CPNE9: variants seen among roughly 807,000 people sequenced by gnomAD.
The protein encoded by CPNE9 is copine family member 9.
In CPNE9, 59 loss-of-function variants were observed where a neutral mutation model predicts 83.0. The ratio of observed to expected loss-of-function variants is 0.71; its 90% CI spans 0.58 to 0.88. The LOEUF (loss-of-function observed/expected upper bound fraction) is 0.88, where lower values mean the gene tolerates loss of function less well. Among genes scored for constraint, CPNE9 ranks in the 40% least tolerant of loss-of-function variants. The probability of loss-of-function intolerance (pLI) is 0.00; values close to 1 mark genes in which losing one functional copy is unlikely to be tolerated. For synonymous variants in CPNE9, 256 were observed against 273.4 expected, an observed-to-expected ratio of 0.94 and a Z score of 0.63; for missense variants, 619 against 720.8, an observed-to-expected ratio of 0.86 and a Z score of 1.62.
chr3:9,711,225 C>T (rs1356030676), intron 7 of CPNE9, among the ~76,000 whole-genome samples: 1 of 152,100 alleles, frequency 6.6e-6, no homozygotes, highest in Non-Finnish European at 1.5e-5. Flanking sequence ...TTTTTTGAGA[C>T]AGAGTCTTAC....
chr3:9,712,457 C>G lies in CPNE9; in HGVS notation c.378-84C>G. ...GTCAGTAAATGGCAAACTGAATCCC[C>G]TGGCCCACCTAACCCCAGACTGGCC... On this transcript the variant is annotated intron_variant, in intron 7 of 20. Coordinates refer to ENST00000383832, the MANE Select transcript of CPNE9 (RefSeq NM_153635.3). 3 of 1,088,870 alleles carry G rather than the reference C, an allele frequency of 2.8e-6. No individual in the cohort carries two copies. In the South Asian group the frequency reaches 3.7e-5, roughly 14 times the overall value. 67.5% of individuals were successfully genotyped at this position (1,088,870 alleles called of 1,614,324 possible).
chr3:9,705,574 T>G, intron 5 of CPNE9, 74 bp downstream of exon 5: 1 of 1,571,832 alleles, frequency 6.4e-7, no homozygotes, highest in Non-Finnish European at 8.8e-7. Context: ...CTCTCAGAAC[T>G]CCTCCCAACC....
Position 9,706,604 on chromosome 3 carries a change from A to G in CPNE9, c.377+541A>G, listed in dbSNP as rs114208910. Among the ~76,000 whole-genome samples, 818 of 152,332 alleles carry G rather than the reference A, an allele frequency of 5.4e-3. 10 individuals carry two copies. The highest frequency in any genetic ancestry group is 0.019 in the African/African-American group (783 of 41,572). On this transcript the variant is annotated intron_variant, in intron 7 of 20. Coordinates refer to ENST00000383832, the MANE Select transcript of CPNE9 (RefSeq NM_153635.3). ...GGGCTGATACTCTAGTTGTGTGGGG[A>G]GGACAGTACAAAATAGACATAAGTA... is the stretch of plus-strand genomic sequence containing the variant.
chr3:9,708,443 G>A (rs142418793), intron 7 of CPNE9, among the ~76,000 whole-genome samples: 183 of 152,340 alleles, frequency 1.2e-3, no homozygotes, highest in African/African-American at 3.6e-3. Context: ...AGAGGGTGAT[G>A]TCATGGAAGC....
intron 7 of CPNE9, among the ~76,000 whole-genome samples, chr3:9,707,503 T>C (rs113373754): frequency 1.3e-5 from 2 of 151,744 alleles, no homozygotes; most frequent in African/African-American, 4.8e-5. Flanking sequence ...AAGGTGGAGC[T>C]AACAGGTTCC....
At position 9,712,753 on chromosome 3, in the gene CPNE9, A is replaced by G; in HGVS notation, c.470A>G (p.Asn157Ser). 4.3e-6 allele frequency: 7 copies of G among 1,614,094 alleles called. No homozygotes were observed. The highest frequency in any genetic ancestry group is 5.1e-6 in the Non-Finnish European group (6 of 1,179,994). ...RDIATMQLCA[N>S]KLDKKDFFGK... ...ATTGCCACCATGCAGCTGTGTGCAA[A>G]CAAGCTGGACAAGAAGGACTTCTTT... Residue 157 changes from asparagine to serine, a missense_variant, in exon 9 of 21, where the codon AAC becomes AGC. Asn to Ser is a conservative substitution (Grantham distance 46). Transcript: ENST00000383832.
At chr3:9,725,372 T>C (rs1477092480) in intron 17 of CPNE9, among the ~76,000 whole-genome samples, 2 of 151,552 alleles carry the variant, frequency 1.3e-5, no homozygotes, top group East Asian at 2.0e-4. Flanking sequence ...TCATCTCTAC[T>C]AAAAATATAA....
chr3:9,722,459 G>T (rs1343984803), intron 17 of CPNE9, among the ~76,000 whole-genome samples: 1 of 151,746 alleles, frequency 6.6e-6, no homozygotes, highest in Non-Finnish European at 1.5e-5. Flanking sequence ...GAGAACCAAA[G>T]ATGTACCTCC....
chr3:9,719,203 A>G lies in CPNE9; in HGVS notation c.1241+601A>G, dbSNP rs183681475. On this transcript the variant is annotated intron_variant, in intron 17 of 20. Transcript: ENST00000383832. ...ATACAGGACGATGTGTATAGGTTAT[A>G]TGCAAATACTACACCATTTTATATG... Among the ~76,000 whole-genome samples the G allele has an allele frequency of 1.2e-4, 18 of 152,304 alleles. 1 individual carries two copies. The East Asian group carries it at 3.1e-3, about 26-fold the overall frequency.
In CPNE9 at chr3:9,729,583, T is replaced by C; in HGVS notation, c.1553T>C (p.Leu518Pro). The C allele has an allele frequency of 6.2e-7, 1 of 1,614,154 alleles. No individual in the cohort carries two copies. The highest frequency in any genetic ancestry group is 8.5e-7 in the Non-Finnish European group (1 of 1,180,026). ...ATGGCCCGACTGGCCAAGGATGTGC[T>C]GGCCGAGATCCCGGAGCAGCTGCTG... ...LSMARLAKDV[L>P]AEIPEQLLSY... Residue 518 changes from leucine to proline, a missense_variant, in exon 21 of 21, where the codon CTG (leucine) becomes CCG (proline). Transcript: ENST00000383832.
intron 7 of CPNE9, among the ~76,000 whole-genome samples, chr3:9,709,001 C>T (rs1040934207): frequency 8.1e-5 from 12 of 148,500 alleles, no homozygotes; most frequent in East Asian, 6.6e-4. Flanking sequence ...TGACCAGGGG[C>T]GGTGGTTCAC....
At chr3:9,708,469 CAAG>C (rs2076585415) in intron 7 of CPNE9, among the ~76,000 whole-genome samples, 4 of 152,202 alleles carry the variant, frequency 2.6e-5, no homozygotes, top group African/African-American at 7.2e-5. Flanking sequence ...GAAGGGTTAT[CAAG>C]AAGGAGAGAG....
At chr3:9,726,562 G>A (rs2076786759) in intron 18 of CPNE9, 103 bp from the exon 19 acceptor site, 2 of 855,920 alleles carry the variant, frequency 2.3e-6, no homozygotes, top group African/African-American at 1.7e-5. Flanking sequence ...CTGCTTACAA[G>A]ATGTGCAGAA....
chr3:9,725,674 G>GTGCATATA, intron 17 of CPNE9, among the ~76,000 whole-genome samples: 1 of 29,166 alleles, frequency 3.4e-5, no homozygotes, highest in Non-Finnish European at 7.1e-5. Context: ...GTATATATAT[G>GTGCATATA]TGTATATATA....
At chr3:9,715,063 G>T (rs529444092) in intron 11 of CPNE9, 108 bp downstream of exon 11, 1 of 1,082,490 alleles carries the variant, frequency 9.2e-7, no homozygotes, top group East Asian at 2.4e-5. Context: ...AGCCAGGAAA[G>T]GTGATGATAA....
At chr3:9,706,167 GT>G (rs1339952378) in intron 7 of CPNE9, 104 bp downstream of exon 7, 39 of 1,103,082 alleles carry the variant, frequency 3.5e-5, no homozygotes, top group Non-Finnish European at 5.0e-5. Flanking sequence ...GTTGCCCCTG[GT>G]CAGGAGCCTG....
chr3:9,727,100 G>A lies in CPNE9; in HGVS notation c.1403-13G>A. 2 of 1,614,136 alleles carry A rather than the reference G, an allele frequency of 1.2e-6. No individual in the cohort carries two copies. Among genetic ancestry groups the A allele is most frequent in the Non-Finnish European group, 1.7e-6 (2 of 1,179,992 alleles). ...GAGAGGCCAATCAGCTGAGGGGTGT[G>A]TCTTTTCTGCAGCAATGGAAGAGTT... is the stretch of plus-strand genomic sequence containing the variant. On this transcript the variant is annotated splice_polypyrimidine_tract_variant and intron_variant, in intron 19 of 20. Transcript: ENST00000383832.
chr3:9,726,299 A>G lies in CPNE9; in HGVS notation c.1344+248A>G, dbSNP rs375687001. ...TGGATGATGTGAAGAGGGACAGATG[A>G]TGCTTGCAGCCACTGTGGGTTGCGT... On this transcript the variant is annotated intron_variant, in intron 18 of 20. Transcript: ENST00000383832. Among the ~76,000 whole-genome samples the G allele has an allele frequency of 4.9e-4, 75 of 152,300 alleles. 1 individual carries two copies. Among genetic ancestry groups the G allele is most frequent in the African/African-American group, 1.8e-3 (73 of 41,568 alleles).
chr3:9,729,400 G>T, intron 20 of CPNE9, 107 bp from the exon 21 acceptor site: 1 of 1,438,268 alleles, frequency 7.0e-7, no homozygotes, highest in Non-Finnish European at 9.3e-7. Flanking sequence ...GAGATACTGT[G>T]ATAGTTGGAA....
Sources: allele counts gnomAD v4.1 joint callset (sites outside exome capture counted in the v4.1 genomes callset), GRCh38; gene constraint gnomAD v4.1.1; transcripts MANE v1.5; gene names NCBI Gene and HGNC (gene_info 2026-07-23, HGNC 2026-07-21).